Variants in GPT observed in about 807,000 individuals in gnomAD.
GPT encodes the protein alanine aminotransferase 1.
In GPT, 60 loss-of-function variants were observed where a neutral mutation model predicts 51.4. That is an observed-to-expected ratio of 1.17 (90% CI 0.95 to 1.45). GPT has a LOEUF of 1.45. Among genes scored for constraint, GPT ranks in the 40% most tolerant of loss-of-function variants. GPT has a pLI of 0.00. For synonymous variants in GPT, 397 were observed against 303.1 expected (o/e 1.31, Z -3.22); for missense variants, 853 against 704.0 (o/e 1.21, Z -2.40).
upstream of GPT, chr8:144,503,950 G>A (rs912624944): frequency 6.7e-5 from 26 of 385,428 alleles, no homozygotes; most frequent in South Asian, 3.5e-4. Flanking sequence ...CCGGACTGAC[G>A]TCTGTACCTA....
In GPT at chr8:144,506,989, G is replaced by A. The variant is rs1182499937; in HGVS notation, c.1480G>A (p.Glu494Lys). ...LSRFHAKFTL[E>K]YS Reference sequence around the variant, plus strand: ...CAGGTTCCATGCCAAGTTCACCCTCGAGTACTCCTGAGCACCCCAGCTGGG... The same window carrying A: ...CAGGTTCCATGCCAAGTTCACCCTCAAGTACTCCTGAGCACCCCAGCTGGG... The change falls in exon 11 of 11, where the codon GAG becomes AAG. Residue 494 changes from glutamate (E) to lysine (K), a missense_variant. Glu to Lys is a moderately conservative substitution (Grantham distance 56). Transcript: ENST00000394955. The surrounding 1 kb of genome is among the most constrained non-coding windows in gnomAD (Gnocchi z 7.0). 1.2e-5 allele frequency: 20 copies of A among 1,611,146 alleles called. No individual in the cohort carries two copies. Among genetic ancestry groups the A allele is most frequent in the East Asian group, 8.9e-5 (4 of 44,810 alleles).
Position 144,506,908 on chromosome 8 carries a change from A to C in GPT, c.1401-2A>C. 7 of 1,612,802 alleles carry C rather than the reference A, an allele frequency of 4.3e-6. No individual in the cohort carries two copies. Among genetic ancestry groups the C allele is most frequent in the Non-Finnish European group, 5.9e-6 (7 of 1,179,820 alleles). On this transcript the variant is annotated splice_acceptor_variant, in intron 10 of 10. Coordinates refer to ENST00000394955, the MANE Select transcript of GPT (RefSeq NM_005309.3). LOFTEE classifies it high-confidence loss of function. The surrounding 1 kb of genome is among the most constrained non-coding windows in gnomAD (Gnocchi z 7.0). ...CCTTCACTCACTGTCAACTCCTTTC[A>C]GGATGACCATTCTGCCCCCCTTGGA...
At chr8:144,503,173 C>T (rs1826616153), upstream of GPT, 1 of 152,240 alleles carries the variant, frequency 6.6e-6, no homozygotes, top group Non-Finnish European at 1.5e-5. Context: ...TGGCTTTTCT[C>T]CCAGCCAGCA....
chr8:144,504,188 T>A lies in GPT; in HGVS notation c.-117T>A. ...GGGTGCTCTCTTGCCTGGAGTTCCC[T>A]CTGCTACGGCTGCCCCCTCCCAGCC... On this transcript the variant is annotated 5_prime_UTR_variant, in exon 1 of 11. Transcript: ENST00000394955. 1 of 1,118,612 alleles carries A rather than the reference T, an allele frequency of 8.9e-7. No individual in the cohort carries two copies. Among genetic ancestry groups the A allele is most frequent in the Non-Finnish European group, 1.3e-6 (1 of 768,200 alleles). 69.3% of individuals were successfully genotyped at this position (1,118,612 alleles called of 1,614,324 possible).
rs1281174019 is a variant in GPT at position 144,505,083 on chromosome 8, G to A, written c.447G>A (p.Ala149=). The change falls in exon 4 of 11, where the codon GCG becomes GCA. Residue 149 remains alanine, a synonymous_variant. Coordinates refer to ENST00000394955, the MANE Select transcript of GPT (RefSeq NM_005309.3). ...YIERRDGGIP[A]DPNNVFLSTG... is the part of the protein sequence containing the mutation. Reference sequence around the variant, plus strand: ...AGAGGCGTGACGGAGGCATCCCTGCGGACCCCAACAACGTCTTCCTGTCCA... The same window carrying A: ...AGAGGCGTGACGGAGGCATCCCTGCAGACCCCAACAACGTCTTCCTGTCCA... 18 of 1,613,036 alleles carry A rather than the reference G, an allele frequency of 1.1e-5. No individual in the cohort carries two copies. Among genetic ancestry groups the A allele is most frequent in the East Asian group, 1.1e-4 (5 of 44,902 alleles).
rs1427202106 is a variant in GPT at position 144,505,032 on chromosome 8, C to G, written c.396C>G (p.Ile132Met). 1.2e-6 allele frequency: 2 copies of G among 1,613,018 alleles called. No homozygotes were observed. The highest frequency in any genetic ancestry group is 1.7e-6 in the Non-Finnish European group (2 of 1,179,990). ...GCGTCAGCTCCGGCATCCAGCTGATCCGGGAGGACGTGGCGCGGTACATTG... is the reference window on the plus strand; with the variant it reads ...GCGTCAGCTCCGGCATCCAGCTGATGCGGGAGGACGTGGCGCGGTACATTG... ...AYSVSSGIQLIREDVARYIER... is the reference protein window; with the variant it reads ...AYSVSSGIQLMREDVARYIER... The change falls in exon 4 of 11, where the codon ATC (isoleucine) becomes ATG (methionine). Residue 132 changes from isoleucine to methionine, a missense_variant. Ile to Met is a conservative substitution (Grantham distance 10, BLOSUM62 1). Transcript: ENST00000394955.
In GPT at chr8:144,505,393, G is replaced by A. The variant is rs1195125611; in HGVS notation, c.643G>A (p.Ala215Thr). The change falls in exon 5 of 11, where the codon GCG becomes ACG. Residue 215 changes from alanine to threonine, a missense_variant. By Grantham distance (58) the Ala-to-Thr change is moderately conservative. Coordinates refer to ENST00000394955, the MANE Select transcript of GPT (RefSeq NM_005309.3). ...CTACCTGGACGAGGAGCGTGCCTGGGCGCTGGACGTGGCCGAGCTTCACCG... is the reference window on the plus strand; with the variant it reads ...CTACCTGGACGAGGAGCGTGCCTGGACGCTGGACGTGGCCGAGCTTCACCG... Reference protein sequence around the residue: ...DYYLDEERAWALDVAELHRAL... With the variant: ...DYYLDEERAWTLDVAELHRAL... 1 of 1,595,154 alleles carries A rather than the reference G, an allele frequency of 6.3e-7. No individual in the cohort carries two copies. Among genetic ancestry groups the A allele is most frequent in the Admixed American group, 1.7e-5 (1 of 57,554 alleles).
upstream of GPT, chr8:144,504,106 G>A (rs942771291): frequency 3.1e-6 from 2 of 642,382 alleles, no homozygotes; most frequent in African/African-American, 1.8e-5. Flanking sequence ...GGGCCCAACT[G>A]TCCCCAGCTC....
Position 144,505,286 on chromosome 8 carries a change from G to C in GPT, c.536G>C (p.Arg179Pro). ...KLLVAGEGHTRTGVLIPIPQY... is the reference protein window; with the variant it reads ...KLLVAGEGHTPTGVLIPIPQY... ...CTGGTGGCCGGCGAGGGCCACACAC[G>C]CACGGGTGTGCTCATCCCCATCCCC... The change falls in exon 5 of 11, where the codon CGC (arginine) becomes CCC (proline). Residue 179 changes from arginine (R) to proline (P), a missense_variant. Transcript: ENST00000394955. 1 of 1,579,998 alleles carries C rather than the reference G, an allele frequency of 6.3e-7. No individual in the cohort carries two copies. Among genetic ancestry groups the C allele is most frequent in the African/African-American group, 1.3e-5 (1 of 74,280 alleles).
At chr8:144,503,855 G>A (rs1826651037), upstream of GPT, 1 of 223,204 alleles carries the variant, frequency 4.5e-6, no homozygotes, top group African/African-American at 2.3e-5. Context: ...AGCCCCTCAG[G>A]GCTGCTGGGC....
In GPT at chr8:144,506,163, G is replaced by C; in HGVS notation, c.956+32G>C. On this transcript the variant is annotated intron_variant, in intron 7 of 10. Transcript: ENST00000394955. The surrounding 1 kb of genome is among the most constrained non-coding windows in gnomAD (Gnocchi z 7.0). ...GCGTACGAGGCGGGTGGGGGCTCGC[G>C]GGCCATGGCCAGGCCCTCCTCGCCC... is the stretch of plus-strand genomic sequence containing the variant. 1.9e-6 allele frequency: 3 copies of C among 1,604,768 alleles called. No individual in the cohort carries two copies. Among genetic ancestry groups the C allele is most frequent in the Non-Finnish European group, 2.6e-6 (3 of 1,176,114 alleles).
At chr8:144,504,557 G>T in intron 1 of GPT, 47 bp from the exon 2 acceptor site, 3 of 1,609,516 alleles carry the variant, frequency 1.9e-6, no homozygotes, top group Non-Finnish European at 2.5e-6. Flanking sequence ...AAGGGCTGAG[G>T]GGTTAGGTAG....
chr8:144,504,373 GGA>G lies in GPT; in HGVS notation c.70_71del (p.Asp24ArgfsTer67), dbSNP rs1826680467. On this transcript the variant is annotated frameshift_variant, in exon 1 of 11. Transcript: ENST00000394955. LOFTEE classifies it high-confidence loss of function. ...GACTGAGGGCGAAGGTGCTGACGCT[GGA>G]CGGCATGAACCCGCGTGTGCGGAGA... ...HGLRAKVLTL[D>X]GMNPRVRRVE... 1 of 1,611,588 alleles carries G rather than the reference GGA, an allele frequency of 6.2e-7. No individual in the cohort carries two copies. Among genetic ancestry groups the G allele is most frequent in the African/African-American group, 1.3e-5 (1 of 74,952 alleles).
rs934405423 is a variant in GPT, at chr8:144,504,607, G to A, written c.166G>A (p.Val56Met). 2.5e-6 allele frequency: 4 copies of A among 1,612,918 alleles called. No individual in the cohort carries two copies. Among genetic ancestry groups the A allele is most frequent in the Non-Finnish European group, 3.4e-6 (4 of 1,179,954 alleles). The change falls in exon 2 of 11, where the codon GTG (valine) becomes ATG (methionine). Residue 56 changes from valine to methionine, a missense_variant. Val to Met is a conservative substitution (Grantham distance 21, BLOSUM62 1). Transcript: ENST00000394955. ...GCCTGCTCCCCTCCCCTCCCAGGGT[G>A]TGAAGAAGCCTTTCACCGAGGTCAT... Reference protein sequence around the residue: ...LELEQELRQGVKKPFTEVIRA... With the variant: ...LELEQELRQGMKKPFTEVIRA...
In GPT at chr8:144,505,309, C is replaced by T. The variant is rs777852066; in HGVS notation, c.559C>T (p.Pro187Ser). The T allele has an allele frequency of 1.9e-5, 30 of 1,570,728 alleles. No individual in the cohort carries two copies. The East Asian group carries it at 5.7e-4, about 30-fold the overall frequency. The change falls in exon 5 of 11, where the codon CCC becomes TCC. Residue 187 changes from proline (P) to serine (S), a missense_variant. Transcript: ENST00000394955. Reference sequence around the variant, plus strand: ...ACGCACGGGTGTGCTCATCCCCATCCCCCAGTACCCACTCTACTCGGCCAC... The same window carrying T: ...ACGCACGGGTGTGCTCATCCCCATCTCCCAGTACCCACTCTACTCGGCCAC... The part of the protein sequence containing the change: ...HTRTGVLIPI[P>S]QYPLYSATLA...
At chr8:144,503,677 A>C (rs1586770786), upstream of GPT, 15 of 140,074 alleles carry the variant, frequency 1.1e-4, no homozygotes, top group Non-Finnish European at 1.5e-4. Context: ...TCCCCCCAGC[A>C]CCCCCTGGAT....
chr8:144,506,020 C>G lies in GPT; in HGVS notation c.845C>G (p.Ala282Gly), dbSNP rs1262473079. ...DEVYQDNVYA[A>G]GSQFHSFKKV... ...GTGTACCAGGACAACGTGTACGCCG[C>G]GGGTTCGCAGTTCCACTCATTCAAG... The change falls in exon 7 of 11, where the codon GCG becomes GGG. Residue 282 changes from alanine (A) to glycine (G), a missense_variant. Ala to Gly is a moderately conservative substitution (Grantham distance 60, BLOSUM62 0). Transcript: ENST00000394955. This position sits in a 1 kb window ranked among gnomAD's most constrained non-coding sequence, Gnocchi z 7.0. 10 of 1,612,422 alleles carry G rather than the reference C, an allele frequency of 6.2e-6. No individual in the cohort carries two copies. Among genetic ancestry groups the G allele is most frequent in the Non-Finnish European group, 8.5e-6 (10 of 1,179,694 alleles).
At chr8:144,503,915 C>G (rs866635311), upstream of GPT, 3 of 310,142 alleles carry the variant, frequency 9.7e-6, no homozygotes, top group South Asian at 9.0e-5. Context: ...TCCCCCTCCC[C>G]CCATGTCTAG....
rs763542493 is a variant in GPT at position 144,506,841 on chromosome 8, C to T, written c.1398C>T (p.Phe466=). The T allele has an allele frequency of 2.5e-6, 4 of 1,612,704 alleles. No homozygotes were observed. Among genetic ancestry groups the T allele is most frequent in the East Asian group, 2.2e-5 (1 of 44,892 alleles). ...GFGQREGTYH[F]RMTILPPLEK... is the part of the protein sequence containing the mutation. Reference sequence around the variant, plus strand: ...GGCAGCGGGAAGGCACCTACCACTTCCGGTGAGGCCTGGCCCTCACTCCCT... The same window carrying T: ...GGCAGCGGGAAGGCACCTACCACTTTCGGTGAGGCCTGGCCCTCACTCCCT... Residue 466 remains phenylalanine (F), a splice_region_variant and synonymous_variant, in exon 10 of 11, where the codon TTC becomes TTT. Coordinates refer to ENST00000394955, the MANE Select transcript of GPT (RefSeq NM_005309.3). This position sits in a 1 kb window ranked among gnomAD's most constrained non-coding sequence, Gnocchi z 7.0.
Sources: gnomAD v4.1 joint callset for allele counts on GRCh38, gnomAD v4.1.1 for gene constraint, Gnocchi (gnomAD v3.1) non-coding constraint, MANE v1.5 for transcripts, NCBI Gene and HGNC (gene_info 2026-07-23, HGNC 2026-07-21) for gene names.